SMARCE1: variants seen among roughly 807,000 people sequenced by gnomAD.
The protein encoded by SMARCE1 is SWI/SNF related BAF chromatin remodeling complex subunit E1, also known as SWI/SNF-related matrix-associated actin-dependent regulator of chromatin subfamily E member 1.
Under a neutral mutation model 54.9 loss-of-function variants are expected in SMARCE1, and 13 were observed. That is an observed-to-expected ratio of 0.24 (90% CI 0.15 to 0.38). SMARCE1 has a LOEUF of 0.38. Among genes scored for constraint, SMARCE1 ranks in the 10% least tolerant of loss-of-function variants. The probability of loss-of-function intolerance (pLI) is 1.00; values close to 1 mark genes in which losing one functional copy is unlikely to be tolerated. For missense variants in SMARCE1, 295 were observed against 523.8 expected (o/e 0.56, Z 4.26); for synonymous variants, 151 against 175.3 (o/e 0.86, Z 1.10).
chr17:40,633,910 TTC>T (rs2143991715), intron 7 of SMARCE1: 1 of 152,388 alleles, frequency 6.6e-6, no homozygotes, highest in East Asian at 1.9e-4. Flanking sequence ...TTTTGTTTTC[TTC>T]TTTCATTTAT....
chr17:40,636,236 A>C (rs1282447344), intron 6 of SMARCE1, 134 bp from the exon 7 acceptor site: 7 of 1,178,242 alleles, frequency 5.9e-6, no homozygotes, highest in Non-Finnish European at 7.3e-6. Context: ...TTTTACAGGC[A>C]AGAAATCTGA....
rs2037158156 is a variant in SMARCE1, at chr17:40,637,478, T to A, written c.237+14A>T. The A allele has an allele frequency of 6.2e-7, 1 of 1,601,268 alleles. No homozygotes were observed. Among genetic ancestry groups the A allele is most frequent in the Admixed American group, 1.7e-5 (1 of 59,946 alleles). On this transcript the variant is annotated intron_variant, in intron 5 of 10. Transcript: ENST00000348513. ...GACAGTGTCCTCACTCCTTACCAGG[T>A]CCTAAGCACCTACCTTTCTGCTGTA... is the stretch of plus-strand genomic sequence containing the variant.
rs1597741316 is a variant in SMARCE1, at chr17:40,628,988, T to G, written c.1033A>C (p.Thr345Pro). ...CTCTCTGTTGTTTCTTCAAGGTGTG[T>G]CTCCTCTGTAATCACACATTTGTCA... The part of the protein sequence containing the change: ...DENIPMETEE[T>P]HLEETTESQQ... Residue 345 changes from threonine to proline, a missense_variant, in exon 11 of 11, where the codon ACA becomes CCA. Thr to Pro is a conservative substitution (Grantham distance 38, BLOSUM62 -1). Transcript: ENST00000348513. 5 of 1,613,100 alleles carry G rather than the reference T, an allele frequency of 3.1e-6. No homozygotes were observed. The African/African-American group carries it at 5.3e-5, about 17-fold the overall frequency.
Position 40,627,529 on chromosome 17 carries a change from C to G in SMARCE1, c.*1256G>C, listed in dbSNP as rs570640861. 1 of 152,294 alleles carries G rather than the reference C, an allele frequency of 6.6e-6. No individual in the cohort carries two copies. Among genetic ancestry groups the G allele is most frequent in the Non-Finnish European group, 1.5e-5 (1 of 68,028 alleles). The allele number at this position is 152,294 out of a possible 1,614,324, so 9.4% of individuals were successfully genotyped here. A position where few individuals can be genotyped will look rare whatever the true frequency, so the allele number is the denominator to read the frequency against. ...TATAATGTAAGAAAACTGATTTTCA[C>G]AAGTGTCTTGTACAAATAAGCTACT... On this transcript the variant is annotated 3_prime_UTR_variant, in exon 11 of 11. Coordinates refer to ENST00000348513, the MANE Select transcript of SMARCE1 (RefSeq NM_003079.5).
chr17:40,631,750 TCAAA>T (rs1224174114), intron 8 of SMARCE1, 57 bp from the exon 9 acceptor site: 4 of 918,918 alleles, frequency 4.4e-6, no homozygotes, highest in Non-Finnish European at 7.2e-6. Context: ...GTCCATACTT[TCAAA>T]CAGTGTACCA....
At chr17:40,630,992 C>T in intron 9 of SMARCE1, 68 bp from the exon 10 acceptor site, 1 of 1,383,032 alleles carries the variant, frequency 7.2e-7, no homozygotes, top group Non-Finnish European at 9.9e-7. Context: ...TATATTCTTT[C>T]AAAAGTTGGT....
chr17:40,639,162 T>TTA (rs2037173170), intron 4 of SMARCE1, among the ~76,000 whole-genome samples: 1 of 152,006 alleles, frequency 6.6e-6, no homozygotes, highest in African/African-American at 2.4e-5. Context: ...CTGTCAAAAG[T>TTA]GGTAGGATGG....
At position 40,646,637 on chromosome 17, in the gene SMARCE1, A is replaced by AT. The variant is rs2037259898; in HGVS notation, c.-45-791_-45-790insA. ...CTCAATTCTTAGGAAATTTTTTCCT[A>AT]GTATTACCAGCTCACAACATAACCA... On this transcript the variant is annotated intron_variant, in intron 1 of 10. Coordinates refer to ENST00000348513, the MANE Select transcript of SMARCE1 (RefSeq NM_003079.5). 2.0e-5 allele frequency among the ~76,000 whole-genome samples: 3 copies of AT among 152,334 alleles called. No homozygotes were observed. In the East Asian group the frequency reaches 5.8e-4, roughly 29 times the overall value.
intron 3 of SMARCE1, chr17:40,643,800 C>T (rs2037222340): frequency 6.6e-6 from 1 of 152,300 alleles, no homozygotes; most frequent in South Asian, 2.1e-4. Context: ...ACATTTGATA[C>T]TCTTTAGGAG....
intron 6 of SMARCE1, 51 bp downstream of exon 6, chr17:40,636,344 T>C (rs372283442): frequency 7.1e-6 from 11 of 1,557,506 alleles, no homozygotes; most frequent in African/African-American, 2.7e-5. Flanking sequence ...AGTAAGCCAA[T>C]GTTTTATGTA....
intron 3 of SMARCE1, chr17:40,644,146 A>G (rs2037227104): frequency 6.6e-6 from 1 of 152,236 alleles, no homozygotes; most frequent in African/African-American, 2.4e-5. Flanking sequence ...AAAGGCAAAA[A>G]AAATTCCTTT....
At position 40,630,907 on chromosome 17, in the gene SMARCE1, T is replaced by C. The variant is rs1555605256; in HGVS notation, c.834A>G (p.Val278=). The change falls in exon 10 of 11, where the codon GTA becomes GTG. Residue 278 remains valine (V), a synonymous_variant. Coordinates refer to ENST00000348513, the MANE Select transcript of SMARCE1 (RefSeq NM_003079.5). ...NELKRLCGLK[V]EVDMEKIAAE... ...CTGCAATTTTCTCCATATCCACTTC[T>C]ACTTTCAGACCGCACAACTAATCAG... 2 of 1,613,020 alleles carry C rather than the reference T, an allele frequency of 1.2e-6. No homozygotes were observed. Among genetic ancestry groups the C allele is most frequent in the Non-Finnish European group, 1.7e-6 (2 of 1,179,818 alleles).
At chr17:40,634,896 T>C (rs952372126) in intron 7 of SMARCE1, 1 of 152,218 alleles carries the variant, frequency 6.6e-6, no homozygotes, top group African/African-American at 2.4e-5. Flanking sequence ...TGCTAGTGTG[T>C]CTTTAGCACT....
chr17:40,628,747 T>TA lies in SMARCE1; in HGVS notation c.*37dup. ...TTAAAACCAAAAAACATTTTTTCAT[T>TA]AAAAAAAGTATTTAGAACACACAAA... is the stretch of plus-strand genomic sequence containing the variant. On this transcript the variant is annotated 3_prime_UTR_variant, in exon 11 of 11. Transcript: ENST00000348513. The TA allele has an allele frequency of 6.5e-7, 1 of 1,538,238 alleles. No homozygotes were observed.
chr17:40,633,677 A>C (rs2037118687), intron 7 of SMARCE1: 2 of 152,208 alleles, frequency 1.3e-5, no homozygotes, highest in Non-Finnish European at 2.9e-5. Flanking sequence ...TATAAATACT[A>C]CAGCTAAAAA....
chr17:40,639,416 T>C (rs1473159471), intron 4 of SMARCE1, among the ~76,000 whole-genome samples: 1 of 152,170 alleles, frequency 6.6e-6, no homozygotes, highest in Non-Finnish European at 1.5e-5. Context: ...ACTGTCAAAA[T>C]TTTTTGAAAT....
rs1379854997 is a variant in SMARCE1, at chr17:40,626,513, CAT to C, written c.*2270_*2271del. The C allele has an allele frequency of 6.6e-6, 1 of 152,214 alleles. No individual in the cohort carries two copies. The highest frequency in any genetic ancestry group is 2.4e-5 in the African/African-American group (1 of 41,444). 9.4% of individuals were successfully genotyped at this position (152,214 alleles called of 1,614,324 possible). On this transcript the variant is annotated 3_prime_UTR_variant, in exon 11 of 11. Coordinates refer to ENST00000348513, the MANE Select transcript of SMARCE1 (RefSeq NM_003079.5). ...AGAACCATCTCAAACATCAAGTCTA[CAT>C]ATATCACTCTGACCAAGTGGATTTT...
chr17:40,637,229 A>C (rs1031911066), intron 5 of SMARCE1: 15 of 451,328 alleles, frequency 3.3e-5, no homozygotes, highest in African/African-American at 2.6e-4. Context: ...CACGTCATTA[A>C]ATATTCTCCA....
At chr17:40,631,963 C>T (rs548010982) in intron 8 of SMARCE1, 1 of 546,640 alleles carries the variant, frequency 1.8e-6, no homozygotes, top group East Asian at 2.9e-5. Context: ...CTTAAGTTCA[C>T]ACGTATTTCT....
Sources: gnomAD v4.1 joint callset for allele counts (sites outside exome capture counted in the v4.1 genomes callset) on GRCh38, gnomAD v4.1.1 for gene constraint, MANE v1.5 for transcripts, NCBI Gene and HGNC (gene_info 2026-07-23, HGNC 2026-07-21) for gene names.